SNX7: variants seen among roughly 807,000 people sequenced by gnomAD.
The protein encoded by SNX7 is sorting nexin-7.
Under a neutral mutation model 48.4 loss-of-function variants are expected in SNX7, and 35 were observed. The ratio of observed to expected loss-of-function variants is 0.72; its 90% CI spans 0.55 to 0.96. The LOEUF (loss-of-function observed/expected upper bound fraction) is 0.96. Ranked by LOEUF, SNX7 falls within the 40% of genes least tolerant of loss-of-function variation. The probability of loss-of-function intolerance (pLI) is 0.00; values close to 1 mark genes in which losing one functional copy is unlikely to be tolerated. For synonymous variants in SNX7, 190 were observed against 190.2 expected, an observed-to-expected ratio of 1.00 and a Z score of 0.01; for missense variants, 553 against 548.9, an observed-to-expected ratio of 1.01 and a Z score of -0.07.
intron 1 of SNX7, among the ~76,000 whole-genome samples, chr1:98,663,424 T>G (rs879334655): frequency 7.2e-5 from 11 of 152,064 alleles, no homozygotes; most frequent in Non-Finnish European, 1.6e-4. Context: ...TTCCCCAGAT[T>G]CTAGGTGTTC....
intron 1 of SNX7, among the ~76,000 whole-genome samples, chr1:98,665,141 G>T (rs935554094): frequency 6.6e-6 from 1 of 152,126 alleles, no homozygotes; most frequent in Non-Finnish European, 1.5e-5. Context: ...TGCTTATCTG[G>T]TACTCAGTAA....
At chr1:98,674,445 A>C (rs9324395) in intron 1 of SNX7, among the ~76,000 whole-genome samples, 131,389 of 151,816 alleles carry the variant, frequency 0.87, 57,551 homozygotes, top group South Asian at 0.95. Flanking sequence ...CACACATCCT[A>C]TTCCCTCCAT....
intron 7 of SNX7, among the ~76,000 whole-genome samples, chr1:98,709,673 T>C (rs1652198962): frequency 1.3e-5 from 2 of 152,226 alleles, no homozygotes; most frequent in Admixed American, 6.5e-5. Context: ...GAGTAGCTAG[T>C]GTATTTTCAG....
At chr1:98,758,161 C>G (rs966366515) in intron 8 of SNX7, among the ~76,000 whole-genome samples, 2 of 151,966 alleles carry the variant, frequency 1.3e-5, no homozygotes, top group African/African-American at 4.8e-5. Context: ...TGTATGTCTA[C>G]CCTCCATGCC....
At chr1:98,675,300 A>T (rs1371643539) in intron 1 of SNX7, among the ~76,000 whole-genome samples, 2 of 152,106 alleles carry the variant, frequency 1.3e-5, no homozygotes, top group Non-Finnish European at 2.9e-5. Flanking sequence ...CCTTTTATTG[A>T]AGTGAATATA....
At chr1:98,742,442 C>T (rs1038590277) in intron 8 of SNX7, among the ~76,000 whole-genome samples, 7 of 152,024 alleles carry the variant, frequency 4.6e-5, no homozygotes, top group Non-Finnish European at 1.0e-4. Context: ...CTTGCTGGCC[C>T]AAGTTTCTAC....
intron 7 of SNX7, among the ~76,000 whole-genome samples, chr1:98,705,253 C>T (rs1286346787): frequency 6.6e-6 from 1 of 152,130 alleles, no homozygotes; most frequent in Non-Finnish European, 1.5e-5. Context: ...TCAGTAAAGA[C>T]ATTCGGAATA....
chr1:98,663,786 C>G (rs537455577), intron 1 of SNX7, among the ~76,000 whole-genome samples: 1 of 152,048 alleles, frequency 6.6e-6, no homozygotes, highest in Non-Finnish European at 1.5e-5. Flanking sequence ...TCTAAAAGCC[C>G]GTACACCTGG....
intron 1 of SNX7, chr1:98,662,778 A>T: frequency 7.8e-7 from 1 of 1,289,360 alleles, no homozygotes; most frequent in Non-Finnish European, 1.0e-6. Context: ...ATTCATTACT[A>T]AGAAGCCTGT....
intron 1 of SNX7, among the ~76,000 whole-genome samples, chr1:98,670,669 C>A (rs1252017793): frequency 6.6e-6 from 1 of 152,086 alleles, no homozygotes; most frequent in East Asian, 1.9e-4. Context: ...GGTATATGAT[C>A]TAGGTTTGTG....
intron 6 of SNX7, among the ~76,000 whole-genome samples, chr1:98,699,181 T>C (rs1651627237): frequency 6.6e-6 from 1 of 152,202 alleles, no homozygotes; most frequent in South Asian, 2.1e-4. Context: ...ATAGGGAATA[T>C]GATTAGTTTT....
At chr1:98,742,617 ATT>A (rs907634768) in intron 8 of SNX7, among the ~76,000 whole-genome samples, 1 of 151,982 alleles carries the variant, frequency 6.6e-6, no homozygotes, top group Admixed American at 6.6e-5. Flanking sequence ...TTATTATCTT[ATT>A]TTTCTGGTTA....
intron 2 of SNX7, among the ~76,000 whole-genome samples, chr1:98,686,977 T>G (rs954433364): frequency 6.6e-6 from 1 of 152,178 alleles, no homozygotes; most frequent in African/African-American, 2.4e-5. Flanking sequence ...ACTGCTCTTC[T>G]GAGTTTTTCT....
intron 5 of SNX7, among the ~76,000 whole-genome samples, chr1:98,696,887 A>G (rs954834630): frequency 6.6e-6 from 1 of 152,102 alleles, no homozygotes; most frequent in African/African-American, 2.4e-5. Context: ...ATCAATGAGT[A>G]TCAAAGAGTA....
chr1:98,662,121 G>A (rs1056066715), intron 1 of SNX7: 4 of 406,712 alleles, frequency 9.8e-6, no homozygotes, highest in Non-Finnish European at 1.7e-5. Flanking sequence ...AACCGCAGCC[G>A]CTCCCTCCTC....
At chr1:98,745,638 G>A (rs1208695326) in intron 8 of SNX7, among the ~76,000 whole-genome samples, 3 of 152,094 alleles carry the variant, frequency 2.0e-5, no homozygotes, top group Non-Finnish European at 2.9e-5. Context: ...GAGAGGATAA[G>A]AAGCTTAGAA....
intron 1 of SNX7, chr1:98,662,189 A>C (rs1649274090): frequency 6.4e-6 from 2 of 310,270 alleles, no homozygotes; most frequent in Non-Finnish European, 1.2e-5. Context: ...CAAAGTTGTG[A>C]TTTGTTTTCC....
At chr1:98,680,676 T>C (rs189336706) in intron 1 of SNX7, among the ~76,000 whole-genome samples, 1 of 152,250 alleles carries the variant, frequency 6.6e-6, no homozygotes, top group African/African-American at 2.4e-5. Context: ...CACAAATCTC[T>C]AGGGCAGGGG....
chr1:98,694,868 A>C (rs1328534794), intron 4 of SNX7, among the ~76,000 whole-genome samples: 3 of 151,442 alleles, frequency 2.0e-5, no homozygotes, highest in African/African-American at 4.9e-5. Context: ...CGGCCTCCCA[A>C]AGTACTGGGA....
Sources: gnomAD v4.1 joint callset for allele counts (sites outside exome capture counted in the v4.1 genomes callset) on GRCh38, gnomAD v4.1.1 for gene constraint, MANE v1.5 for transcripts, NCBI Gene and HGNC (gene_info 2026-07-23, HGNC 2026-07-21) for gene names.